The following GLIS3 variants were observed in gnomAD, a reference collection of about 807,000 sequenced individuals.
The protein encoded by GLIS3 is GLIS family zinc finger 3, also known as zinc finger protein GLIS3.
GLIS3 carries 53 observed loss-of-function variants against 78.6 expected under a neutral mutation model. The ratio of observed to expected loss-of-function variants is 0.67; its 90% CI spans 0.54 to 0.85. The LOEUF (loss-of-function observed/expected upper bound fraction) is 0.85, where lower values mean the gene tolerates loss of function less well. GLIS3 is among the 40% of genes least tolerant of loss of function. The probability of loss-of-function intolerance (pLI) is 0.00; values close to 1 mark genes in which losing one functional copy is unlikely to be tolerated. For synonymous variants in GLIS3, 684 were observed against 509.9 expected, an observed-to-expected ratio of 1.34 and a Z score of -4.60; for missense variants, 1,703 against 1,231.1, an observed-to-expected ratio of 1.38 and a Z score of -5.74.
intron 4 of GLIS3, among the ~76,000 whole-genome samples, chr9:3,975,476 T>G (rs1466467830): frequency 1.3e-5 from 2 of 152,192 alleles, no homozygotes; most frequent in South Asian, 2.1e-4. Flanking sequence ...CGATTTGACT[T>G]TTTGGAATAC....
chr9:4,482,396 A>G, the GLIS3 span, among the ~76,000 whole-genome samples: 3 of 152,208 alleles, frequency 2.0e-5, no homozygotes, highest in African/African-American at 2.4e-5. Context: ...TAGTTCCAAG[A>G]TAAGTTCTAT....
chr9:3,991,667 T>G (rs1052505298), intron 4 of GLIS3, among the ~76,000 whole-genome samples: 1 of 151,188 alleles, frequency 6.6e-6, no homozygotes, highest in Non-Finnish European at 1.5e-5. Context: ...AGTTCAGAAT[T>G]TCATTAAGTA....
intron 5 of GLIS3, among the ~76,000 whole-genome samples, chr9:3,935,418 CTCAAAAG>C (rs1825840089): frequency 6.6e-6 from 1 of 151,846 alleles, no homozygotes; most frequent in Admixed American, 6.6e-5. Context: ...GGTAGCCTTC[CTCAAAAG>C]TTTTTTAAAA....
chr9:4,401,722 G>C, the GLIS3 span, among the ~76,000 whole-genome samples: 1 of 151,944 alleles, frequency 6.6e-6, no homozygotes, highest in African/African-American at 2.4e-5. Flanking sequence ...CTCCCAAGTA[G>C]CTGGGACTAC....
chr9:4,439,150 A>G, the GLIS3 span, among the ~76,000 whole-genome samples: 1 of 152,120 alleles, frequency 6.6e-6, no homozygotes, highest in Non-Finnish European at 1.5e-5. Context: ...CTTCAGTACT[A>G]CCTTCCAATT....
chr9:3,972,182 C>T (rs180810969), intron 4 of GLIS3, among the ~76,000 whole-genome samples: 3 of 152,106 alleles, frequency 2.0e-5, no homozygotes, highest in Admixed American at 2.0e-4. Flanking sequence ...GTAAGTACTG[C>T]TTGATTTGGG....
intron 4 of GLIS3, among the ~76,000 whole-genome samples, chr9:3,938,956 TTGAA>T (rs1304344414): frequency 6.6e-6 from 1 of 152,200 alleles, no homozygotes; most frequent in African/African-American, 2.4e-5. Flanking sequence ...AGGGTTCTCT[TTGAA>T]TGACGACTCA....
the GLIS3 span, among the ~76,000 whole-genome samples, chr9:4,431,691 A>G: frequency 6.6e-6 from 1 of 152,068 alleles, no homozygotes; most frequent in Non-Finnish European, 1.5e-5. Flanking sequence ...CTAAAAATAC[A>G]AAATTAGCCA....
chr9:4,453,980 A>C, the GLIS3 span, among the ~76,000 whole-genome samples: 7 of 152,098 alleles, frequency 4.6e-5, no homozygotes, highest in Non-Finnish European at 8.8e-5. Flanking sequence ...CATGTACCCT[A>C]GAACTTAAAG....
intron 8 of GLIS3, among the ~76,000 whole-genome samples, chr9:3,860,418 T>C (rs1305125300): frequency 1.3e-5 from 2 of 152,024 alleles, no homozygotes; most frequent in African/African-American, 4.8e-5. Flanking sequence ...TTCCCTTCTA[T>C]GCCCTTCTCC....
intron 4 of GLIS3, among the ~76,000 whole-genome samples, chr9:3,991,958 G>C (rs896487448): frequency 6.6e-6 from 1 of 152,098 alleles, no homozygotes; most frequent in African/African-American, 2.4e-5. Flanking sequence ...CCAAAGTGCT[G>C]GGATTACAGG....
At chr9:4,270,838 C>T (rs947391939) in intron 2 of GLIS3, among the ~76,000 whole-genome samples, 1 of 152,084 alleles carries the variant, frequency 6.6e-6, no homozygotes, top group Non-Finnish European at 1.5e-5. Context: ...GCCTCCTTTA[C>T]TGCATGAGCC....
At chr9:4,381,764 T>C in the GLIS3 span, among the ~76,000 whole-genome samples, 8 of 152,342 alleles carry the variant, frequency 5.3e-5, no homozygotes, top group Admixed American at 2.0e-4. Context: ...AACTCCATTT[T>C]CCAGACTCCT....
the GLIS3 span, among the ~76,000 whole-genome samples, chr9:4,354,374 T>C: frequency 2.0e-5 from 3 of 152,172 alleles, no homozygotes; most frequent in Non-Finnish European, 4.4e-5. Flanking sequence ...AAGCACCCTG[T>C]TAGCAGGCAT....
chr9:4,358,120 G>GTGTA, the GLIS3 span, among the ~76,000 whole-genome samples: 7 of 152,184 alleles, frequency 4.6e-5, no homozygotes, highest in Non-Finnish European at 2.9e-5. Context: ...ATGTATATGT[G>GTGTA]TGTATGTACA....
At chr9:4,298,504 G>A (rs1816802978) in intron 1 of GLIS3, 7 of 437,228 alleles carry the variant, frequency 1.6e-5, no homozygotes, top group East Asian at 8.0e-5. Flanking sequence ...ACTGTCGCTC[G>A]GGGCAAGGTG....
At chr9:4,230,520 A>AGGGGTATCAGCAGCTGT (rs1460988651) in intron 2 of GLIS3, among the ~76,000 whole-genome samples, 1 of 152,206 alleles carries the variant, frequency 6.6e-6, no homozygotes, top group Non-Finnish European at 1.5e-5. Flanking sequence ...TTGGGGCCCC[A>AGGGGTATCAGCAGCTGT]GGGGTATCAG....
At chr9:3,907,502 G>A (rs1362605435) in intron 6 of GLIS3, among the ~76,000 whole-genome samples, 1 of 151,960 alleles carries the variant, frequency 6.6e-6, no homozygotes, top group East Asian at 1.9e-4. Context: ...GCGCCCCTCT[G>A]ATCCCTTCGA....
chr9:4,010,780 A>G (rs1386387917), intron 4 of GLIS3, among the ~76,000 whole-genome samples: 3 of 152,072 alleles, frequency 2.0e-5, no homozygotes, highest in African/African-American at 7.2e-5. Flanking sequence ...ATTTTACTAA[A>G]TCTCTTTGTG....
Sources: gnomAD v4.1 joint callset for allele counts (sites outside exome capture counted in the v4.1 genomes callset) on GRCh38, gnomAD v4.1.1 for gene constraint, MANE v1.5 for transcripts, NCBI Gene and HGNC (gene_info 2026-07-23, HGNC 2026-07-21) for gene names.